Variants in CDC16 observed in about 807,000 individuals in gnomAD.
CDC16 encodes the protein cell division cycle 16, also known as cell division cycle protein 16 homolog.
A neutral mutation model predicts 87.0 loss-of-function variants in CDC16; 34 were observed. That is an observed-to-expected ratio of 0.39 (90% CI 0.30 to 0.52). The LOEUF is 0.52. Ranked by LOEUF, CDC16 falls within the 20% of genes least tolerant of loss-of-function variation. CDC16 has a pLI of 0.74. For missense variants in CDC16, 653 were observed against 751.9 expected (o/e 0.87, Z 1.54); for synonymous variants, 263 against 260.6 (o/e 1.01, Z -0.09).
rs183839549 is a variant in CDC16 at position 114,237,546 on chromosome 13, T to A, written c.201+650T>A. ...GTCTCAAGCAGTCCTCCCGCCTTGG[T>A]CTCCCAAAGTGCTGGGATTATAGAT... On this transcript the variant is annotated intron_variant, in intron 3 of 17. Transcript: ENST00000356221. 1.1e-3 allele frequency among the ~76,000 whole-genome samples: 175 copies of A among 152,238 alleles called. 1 individual carries two copies. The highest frequency in any genetic ancestry group is 1.4e-3 in the Non-Finnish European group (92 of 68,016).
At chr13:114,244,580 C>T (rs948952007) in intron 8 of CDC16, 12 of 214,208 alleles carry the variant, frequency 5.6e-5, no homozygotes, top group Non-Finnish European at 7.4e-5. Context: ...AATAGGATTT[C>T]CTGTTGGTTT....
chr13:114,263,643 G>T (rs568723097), intron 16 of CDC16, among the ~76,000 whole-genome samples: 1 of 152,312 alleles, frequency 6.6e-6, no homozygotes, highest in South Asian at 2.1e-4. Flanking sequence ...CAGAGGGCCA[G>T]TATCTGTGTT....
intron 15 of CDC16, 92 bp downstream of exon 15, chr13:114,262,040 C>T (rs1412286686): frequency 1.4e-6 from 1 of 723,952 alleles, no homozygotes; most frequent in Non-Finnish European, 2.3e-6. Flanking sequence ...TTCATGAGAT[C>T]AACCAGCTTT....
At chr13:114,244,781 A>AGT in intron 8 of CDC16, 109 bp from the exon 9 acceptor site, 1 of 602,686 alleles carries the variant, frequency 1.7e-6, no homozygotes, top group Non-Finnish European at 3.0e-6. Flanking sequence ...AAGTGTTACA[A>AGT]CCCACAGCAT....
At chr13:114,261,659 G>A (rs17338228) in intron 14 of CDC16, among the ~76,000 whole-genome samples, 1,621 of 152,258 alleles carry the variant, frequency 0.011, 37 homozygotes, top group Non-Finnish European at 0.011. Context: ...CTCCAGCAGG[G>A]ATAGGCTCTT....
chr13:114,241,089 C>T (rs1260792108), intron 5 of CDC16, among the ~76,000 whole-genome samples: 4 of 152,004 alleles, frequency 2.6e-5, no homozygotes, highest in Non-Finnish European at 4.4e-5. Context: ...GTTATGTGTT[C>T]GAGGTCCAGA....
intron 12 of CDC16, among the ~76,000 whole-genome samples, chr13:114,251,444 T>C (rs1485530309): frequency 6.6e-6 from 1 of 152,246 alleles, no homozygotes; most frequent in Non-Finnish European, 1.5e-5. Context: ...TAGAAAGCAC[T>C]CAGTGAAAGT....
At chr13:114,242,023 G>T in intron 5 of CDC16, 98 bp from the exon 6 acceptor site, 3 of 1,402,032 alleles carry the variant, frequency 2.1e-6, no homozygotes, top group South Asian at 2.8e-5. Flanking sequence ...CTGAACTCCA[G>T]CCTGGGAGAC....
At chr13:114,240,747 GGTTTTT>G (rs897645486) in intron 5 of CDC16, among the ~76,000 whole-genome samples, 1 of 152,016 alleles carries the variant, frequency 6.6e-6, no homozygotes, top group Non-Finnish European at 1.5e-5. Flanking sequence ...ACACATTCTA[GGTTTTT>G]GTTTTTGTTT....
intron 12 of CDC16, among the ~76,000 whole-genome samples, chr13:114,252,135 T>TGGCCCTGTTGG (rs2082222659): frequency 6.7e-6 from 1 of 150,066 alleles, no homozygotes; most frequent in East Asian, 2.0e-4. Context: ...AGCCCTACAC[T>TGGCCCTGTTGG]AGCCCTGTTG....
At chr13:114,257,487 A>G (rs1213914072) in intron 13 of CDC16, among the ~76,000 whole-genome samples, 1 of 152,214 alleles carries the variant, frequency 6.6e-6, no homozygotes, top group Non-Finnish European at 1.5e-5. Flanking sequence ...TTCAGATTAC[A>G]CATACCCCAC....
At position 114,257,082 on chromosome 13, in the gene CDC16, CATTTGCCT is replaced by C; in HGVS notation, c.1105_1112del (p.Leu369AlafsTer12). 6.5e-7 allele frequency: 1 copy of C among 1,532,664 alleles called. No homozygotes were observed. The highest frequency in any genetic ancestry group is 8.9e-7 in the Non-Finnish European group (1 of 1,129,932). 94.9% of individuals were successfully genotyped at this position (1,532,664 alleles called of 1,614,324 possible). A position where few individuals can be genotyped will look rare whatever the true frequency, so the allele number is the denominator to read the frequency against. ...TGAAATTTTCCAATTTTTTAGGTGT[CATTTGCCT>C]ATGCTGTATATTGGATTAGAATATG... On this transcript the variant is annotated frameshift_variant, in exon 13 of 18. Coordinates refer to ENST00000356221, the MANE Select transcript of CDC16 (RefSeq NM_001078645.3). LOFTEE classifies it high-confidence loss of function.
rs2082122093 is a variant in CDC16, at chr13:114,250,666, G to A, written c.1089G>A (p.Leu363=). The A allele has an allele frequency of 6.2e-7, 1 of 1,614,112 alleles. No homozygotes were observed. Among genetic ancestry groups the A allele is most frequent in the African/African-American group, 1.3e-5 (1 of 75,048 alleles). Residue 363 remains leucine, a synonymous_variant, in exon 12 of 18, where the codon CTG becomes CTA. Coordinates refer to ENST00000356221, the MANE Select transcript of CDC16 (RefSeq NM_001078645.3). Reference sequence around the variant, plus strand: ...CTGCTTACTTCACAGCAGCACAGCTGATGAAAGGGTACGGCAGAGCAAACT... The same window carrying A: ...CTGCTTACTTCACAGCAGCACAGCTAATGAAAGGGTACGGCAGAGCAAACT... The part of the protein sequence containing the change: ...AMAAYFTAAQ[L]MKGCHLPMLY...
At position 114,259,094 on chromosome 13, in the gene CDC16, T is replaced by TAAAA. The variant is rs5807005; in HGVS notation, c.1251-224_1251-221dup. ...AGCCTAGGTAACAGAGTGAGACTCTTAAAAAAAAAAAAAAAAAAAAGGAAT... is the reference window on the plus strand; with the variant it reads ...AGCCTAGGTAACAGAGTGAGACTCTTAAAAAAAAAAAAAAAAAAAAAAAAGGAAT... On this transcript the variant is annotated intron_variant, in intron 13 of 17. Transcript: ENST00000356221. Among the ~76,000 whole-genome samples the TAAAA allele has an allele frequency of 6.8e-3, 757 of 111,416 alleles. 9 individuals are homozygous for TAAAA. Among genetic ancestry groups the TAAAA allele is most frequent in the African/African-American group, 0.024 (727 of 30,224 alleles). The allele number at this position is 111,416 out of a possible 152,430, so 73.1% of individuals were successfully genotyped here.
chr13:114,239,561 TATC>T, intron 5 of CDC16, 71 bp downstream of exon 5: 1 of 1,397,224 alleles, frequency 7.2e-7, no homozygotes, highest in South Asian at 2.0e-5. Context: ...AGAAACACAT[TATC>T]TTCTTTTACT....
At position 114,262,786 on chromosome 13, in the gene CDC16, G is replaced by A. The variant is rs1335025487; in HGVS notation, c.1377-93G>A. 4 of 1,245,518 alleles carry A rather than the reference G, an allele frequency of 3.2e-6. No individual in the cohort carries two copies. In the South Asian group the frequency reaches 3.8e-5, roughly 12 times the overall value. The allele number at this position is 1,245,518 out of a possible 1,614,324, so 77.2% of individuals were successfully genotyped here. ...CTAGACTGCTGTTCTCATTGAGACA[G>A]CGTTTCTTGGGTGTTGATATGGATG... On this transcript the variant is annotated intron_variant, in intron 15 of 17. Coordinates refer to ENST00000356221, the MANE Select transcript of CDC16 (RefSeq NM_001078645.3).
rs138418135 is a variant in CDC16 at position 114,240,097 on chromosome 13, T to A, written c.381+607T>A. Among the ~76,000 whole-genome samples, 682 of 152,322 alleles carry A rather than the reference T, an allele frequency of 4.5e-3. 5 individuals are homozygous for A. Among genetic ancestry groups the A allele is most frequent in the African/African-American group, 0.016 (657 of 41,564 alleles). Reference sequence around the variant, plus strand: ...AACTGTATGGTTTGATTCCTTTTAGTGTATTCACAGAGCTTTGCAAACCTC... The same window carrying A: ...AACTGTATGGTTTGATTCCTTTTAGAGTATTCACAGAGCTTTGCAAACCTC... On this transcript the variant is annotated intron_variant, in intron 5 of 17. Transcript: ENST00000356221.
At chr13:114,259,197 A>G (rs1480743446) in intron 13 of CDC16, 138 bp from the exon 14 acceptor site, 3 of 543,200 alleles carry the variant, frequency 5.5e-6, no homozygotes, top group Non-Finnish European at 9.6e-6. Flanking sequence ...TTTGTGACTT[A>G]ACTTTGAATT....
At chr13:114,239,730 C>T (rs1390417125) in intron 5 of CDC16, among the ~76,000 whole-genome samples, 2 of 152,198 alleles carry the variant, frequency 1.3e-5, no homozygotes, top group Non-Finnish European at 1.5e-5. Flanking sequence ...ACTTCCTTCT[C>T]ATATTTGATG....
Sources: gnomAD v4.1 joint callset for allele counts (sites outside exome capture counted in the v4.1 genomes callset) on GRCh38, gnomAD v4.1.1 for gene constraint, MANE v1.5 for transcripts, NCBI Gene and HGNC (gene_info 2026-07-23, HGNC 2026-07-21) for gene names.